OPRM1: variants seen among roughly 807,000 people sequenced by gnomAD.
The protein encoded by OPRM1 is opioid receptor mu 1, also known as mu-type opioid receptor.
Under a neutral mutation model 31.8 loss-of-function variants are expected in OPRM1, and 27 were observed. The observed-to-expected ratio is 0.85, with a 90% CI of 0.63 to 1.17. The LOEUF (loss-of-function observed/expected upper bound fraction) is 1.17. Ranked by LOEUF, OPRM1 falls within the 50% of genes most tolerant of loss-of-function variation. OPRM1 has a pLI of 0.00. For missense variants in OPRM1, 536 were observed against 511.1 expected, an observed-to-expected ratio of 1.05 and a Z score of -0.47; for synonymous variants, 196 against 189.9, an observed-to-expected ratio of 1.03 and a Z score of -0.26.
chr6:154,100,044 TATATATCATA>T (rs1350836784), intron 3 of OPRM1, among the ~76,000 whole-genome samples: 10 of 132,816 alleles, frequency 7.5e-5, no homozygotes, highest in South Asian at 4.8e-4. Flanking sequence ...TATCATATGA[TATATATCATA>T]TGATATATAT....
chr6:154,050,766 T>C (rs1055438295), intron 1 of OPRM1, among the ~76,000 whole-genome samples: 4 of 152,286 alleles, frequency 2.6e-5, no homozygotes, highest in East Asian at 1.9e-4. Context: ...AAGAATGTAA[T>C]TGGATTGTTA....
intron 3 of OPRM1, among the ~76,000 whole-genome samples, chr6:154,140,429 C>A (rs752531678): frequency 6.6e-6 from 1 of 151,846 alleles, no homozygotes; most frequent in African/African-American, 2.4e-5. Context: ...CTCCCAGGTT[C>A]AAGCGATTCT....
intron 3 of OPRM1, among the ~76,000 whole-genome samples, chr6:154,239,375 C>T (rs116414731): frequency 8.1e-4 from 124 of 152,268 alleles, no homozygotes; most frequent in African/African-American, 2.9e-3. Flanking sequence ...ACATTATAGA[C>T]AATAAATAAA....
At chr6:154,079,950 T>C (rs927583952) in intron 1 of OPRM1, among the ~76,000 whole-genome samples, 4 of 152,252 alleles carry the variant, frequency 2.6e-5, no homozygotes, top group African/African-American at 4.8e-5. Flanking sequence ...GTAGGCCGCA[T>C]ACTTTAGGAA....
At chr6:154,209,357 C>T (rs920215826) in intron 3 of OPRM1, among the ~76,000 whole-genome samples, 5 of 152,144 alleles carry the variant, frequency 3.3e-5, no homozygotes, top group Non-Finnish European at 4.4e-5. Context: ...TCACTCTCTG[C>T]ATAAAAGCTA....
intron 1 of OPRM1, among the ~76,000 whole-genome samples, chr6:154,024,163 T>A (rs911562019): frequency 3.9e-5 from 6 of 152,090 alleles, no homozygotes; most frequent in African/African-American, 1.4e-4. Context: ...ATGAAGCCAC[T>A]AGGTCCTGGG....
intron 1 of OPRM1, among the ~76,000 whole-genome samples, chr6:154,041,234 T>C (rs904719800): frequency 1.3e-5 from 2 of 152,168 alleles, no homozygotes; most frequent in Admixed American, 1.3e-4. Flanking sequence ...TGATGAGGAA[T>C]AAGATAAGTA....
Position 154,091,242 on chromosome 6 carries a change from GA to G in OPRM1, c.937del (p.Thr313LeufsTer14), listed in dbSNP as rs1252005645. On this transcript the variant is annotated frameshift_variant, in exon 3 of 4. Coordinates refer to ENST00000330432, the MANE Select transcript of OPRM1 (RefSeq NM_000914.5). LOFTEE classifies it high-confidence loss of function. ...CATTAAAGCCTTGGTTACAATCCCA[GA>G]AACTACGTTCCAGACTGTTTCTTGG... ...VIIKALVTIP[E>X]TTFQTVSWHF... 1.9e-6 allele frequency: 3 copies of G among 1,614,200 alleles called. No individual in the cohort carries two copies. The African/African-American group carries it at 4.0e-5, about 22-fold the overall frequency.
At chr6:154,085,021 C>T (rs540358398) in intron 1 of OPRM1, among the ~76,000 whole-genome samples, 3 of 152,146 alleles carry the variant, frequency 2.0e-5, no homozygotes, top group Admixed American at 2.0e-4. Flanking sequence ...AACTGAGACA[C>T]GATCACCACA....
chr6:154,223,981 C>A, intron 3 of OPRM1, among the ~76,000 whole-genome samples: 1 of 152,200 alleles, frequency 6.6e-6, no homozygotes, highest in Non-Finnish European at 1.5e-5. Flanking sequence ...AATATAATCA[C>A]TGTCCCACCT....
chr6:154,043,004 C>T (rs3798676), intron 1 of OPRM1, among the ~76,000 whole-genome samples: 4,735 of 152,188 alleles, frequency 0.031, 118 homozygotes, highest in East Asian at 0.093. Context: ...ATAACTGAAC[C>T]AGACTATAGA....
At chr6:154,084,730 A>G (rs1790084996) in intron 1 of OPRM1, among the ~76,000 whole-genome samples, 1 of 152,186 alleles carries the variant, frequency 6.6e-6, no homozygotes, top group South Asian at 2.1e-4. Context: ...ATTGCTGAAC[A>G]TATAAAAGGG....
intron 3 of OPRM1, among the ~76,000 whole-genome samples, chr6:154,193,244 T>C (rs1396494439): frequency 6.6e-6 from 1 of 152,204 alleles, no homozygotes; most frequent in Admixed American, 6.5e-5. Context: ...TGGAGGCCAT[T>C]ATTCTAAGTG....
At chr6:154,011,424 G>C (rs1203691517) in intron 1 of OPRM1, among the ~76,000 whole-genome samples, 1 of 152,136 alleles carries the variant, frequency 6.6e-6, no homozygotes, top group Non-Finnish European at 1.5e-5. Context: ...GCAAAGAGAA[G>C]AAAAGCTCTG....
intron 3 of OPRM1, among the ~76,000 whole-genome samples, chr6:154,208,241 G>A (rs911757760): frequency 7.9e-5 from 12 of 152,112 alleles, no homozygotes; most frequent in South Asian, 2.1e-4. Context: ...TTCACCCCGC[G>A]TCAGCCACAG....
At chr6:154,159,937 T>C in intron 3 of OPRM1, 3 of 1,613,824 alleles carry the variant, frequency 1.9e-6, no homozygotes, top group Non-Finnish European at 2.5e-6. Flanking sequence ...ATAGATGTCC[T>C]GGATCAGCAG....
At chr6:154,086,422 A>C (rs1190157814) in intron 1 of OPRM1, 1 of 256,506 alleles carries the variant, frequency 3.9e-6, no homozygotes, top group Non-Finnish European at 6.1e-6. Flanking sequence ...ATAAATATTC[A>C]CTTTTTTTTG....
rs150766517 is a variant in OPRM1 at position 154,167,526 on chromosome 6, C to T, written c.1164+76054C>T. Among the ~76,000 whole-genome samples, 6 of 152,282 alleles carry T rather than the reference C, an allele frequency of 3.9e-5. No individual in the cohort carries two copies. The East Asian group carries it at 9.7e-4, about 24-fold the overall frequency. On this transcript the variant is annotated intron_variant, in intron 3 of 3. Coordinates refer to the OPRM1 transcript ENST00000337049. The stretch of plus-strand genomic sequence containing the variant: ...CCCTTGTATGAATCAGATGAAAATT[C>T]GAGATCTTATTTATACGACTGTTTA...
At chr6:154,223,845 T>G (rs1231715435) in intron 3 of OPRM1, among the ~76,000 whole-genome samples, 1 of 152,230 alleles carries the variant, frequency 6.6e-6, no homozygotes, top group Admixed American at 6.5e-5. Flanking sequence ...GCTGCATCTT[T>G]CAGAACCTCA....
Sources: gnomAD v4.1 joint callset for allele counts (sites outside exome capture counted in the v4.1 genomes callset) on GRCh38, gnomAD v4.1.1 for gene constraint, MANE v1.5 for transcripts, NCBI Gene and HGNC (gene_info 2026-07-23, HGNC 2026-07-21) for gene names.